The following ANO5 variants were observed in gnomAD, a reference collection of about 807,000 sequenced individuals.
ANO5 encodes anoctamin 5.
In ANO5, 109 loss-of-function variants were observed where a neutral mutation model predicts 121.0. That is an observed-to-expected ratio of 0.90 (90% CI 0.77 to 1.06). The LOEUF is 1.06. Among genes scored for constraint, ANO5 ranks in the 50% least tolerant of loss-of-function variants. The pLI is 0.00. For synonymous variants in ANO5, 406 were observed against 359.9 expected (o/e 1.13, Z -1.45); for missense variants, 1,064 against 1,078.5 (o/e 0.99, Z 0.19).
At chr11:22,246,891 A>C (rs916842832) in intron 9 of ANO5, among the ~76,000 whole-genome samples, 1 of 151,524 alleles carries the variant, frequency 6.6e-6, no homozygotes, top group Non-Finnish European at 1.5e-5. Context: ...CAAAAAAGAA[A>C]AGAATTTATT....
rs1377739749 is a variant in ANO5, at chr11:22,280,894, T to G, written c.*1129T>G. 2.6e-5 allele frequency: 4 copies of G among 151,974 alleles called. No homozygotes were observed. The highest frequency in any genetic ancestry group is 5.9e-5 in the Non-Finnish European group (4 of 67,870). 9.4% of individuals were successfully genotyped at this position (151,974 alleles called of 1,614,324 possible). On this transcript the variant is annotated 3_prime_UTR_variant, in exon 22 of 22. Coordinates refer to ENST00000324559, the MANE Select transcript of ANO5 (RefSeq NM_213599.3). ...TAAATGTAAGCTTGTCTTAATGAAA[T>G]TGTCAGTGTAATAACAACTACAGTC...
chr11:22,217,933 TA>T (rs1170479866), intron 3 of ANO5, among the ~76,000 whole-genome samples: 5 of 151,580 alleles, frequency 3.3e-5, no homozygotes, highest in Non-Finnish European at 7.4e-5. Flanking sequence ...CTCCTGAACT[TA>T]AAAAAAAGTA....
chr11:22,207,208 G>T (rs1852147552), intron 2 of ANO5, among the ~76,000 whole-genome samples: 1 of 151,946 alleles, frequency 6.6e-6, no homozygotes, highest in Non-Finnish European at 1.5e-5. Context: ...AAAATTTTAT[G>T]GAAATACAAA....
At chr11:22,217,357 A>T (rs1168450590) in intron 3 of ANO5, among the ~76,000 whole-genome samples, 1 of 151,876 alleles carries the variant, frequency 6.6e-6, no homozygotes, top group Non-Finnish European at 1.5e-5. Context: ...TGACCATGTA[A>T]TTGAAGATTG....
At chr11:22,236,660 C>T (rs1022620502) in intron 8 of ANO5, among the ~76,000 whole-genome samples, 2 of 152,116 alleles carry the variant, frequency 1.3e-5, no homozygotes, top group Admixed American at 6.6e-5. Context: ...TACCTGCATT[C>T]ACATATTCAT....
Position 22,270,418 on chromosome 11 carries a change from C to T in ANO5, c.2005C>T (p.Leu669Phe). The part of the protein sequence containing the change: ...HDLESFGPLG[L>F]FYEYLETVTQ... ...CCTTGAAAGTTTTGGACCCCTTGGG[C>T]TTTTCTATGAGTACTTAGAAACAGG... Residue 669 changes from leucine (L) to phenylalanine (F), a missense_variant, in exon 18 of 22, where the codon CTT becomes TTT. Transcript: ENST00000324559. The T allele has an allele frequency of 6.2e-7, 1 of 1,614,088 alleles. No homozygotes were observed. Among genetic ancestry groups the T allele is most frequent in the Non-Finnish European group, 8.5e-7 (1 of 1,179,990 alleles).
chr11:22,265,401 A>G (rs1412840462), intron 17 of ANO5, among the ~76,000 whole-genome samples: 1 of 152,112 alleles, frequency 6.6e-6, no homozygotes, highest in South Asian at 2.1e-4. Context: ...TTAGACATGA[A>G]AAGACTAGGA....
At chr11:22,249,142 C>G (rs1026386491) in intron 9 of ANO5, among the ~76,000 whole-genome samples, 13 of 151,810 alleles carry the variant, frequency 8.6e-5, no homozygotes, top group African/African-American at 3.1e-4. Context: ...TGTTCATCAT[C>G]ACTGAAAAGA....
intron 3 of ANO5, 123 bp from the exon 4 acceptor site, chr11:22,218,115 TCACACACA>T (rs71034578): frequency 9.9e-6 from 6 of 607,672 alleles, no homozygotes; most frequent in African/African-American, 5.5e-5. Context: ...GTTTGAAATA[TCACACACA>T]CACACACACA....
At chr11:22,203,017 A>G (rs1190844216) in intron 1 of ANO5, among the ~76,000 whole-genome samples, 1 of 152,162 alleles carries the variant, frequency 6.6e-6, no homozygotes, top group Non-Finnish European at 1.5e-5. Context: ...CAATAGGTCA[A>G]TATCAAGTTT....
At chr11:22,221,446 A>T (rs977900684) in intron 5 of ANO5, among the ~76,000 whole-genome samples, 1 of 151,960 alleles carries the variant, frequency 6.6e-6, no homozygotes, top group Admixed American at 6.6e-5. Flanking sequence ...CAAGTAACTG[A>T]TTCTTTTTAT....
intron 9 of ANO5, among the ~76,000 whole-genome samples, chr11:22,247,916 G>C (rs1236658206): frequency 3.3e-5 from 5 of 151,748 alleles, no homozygotes; most frequent in Non-Finnish European, 7.4e-5. Flanking sequence ...TATGTTGTAT[G>C]TTAATGCTTA....
At chr11:22,265,299 A>G (rs1339622004) in intron 17 of ANO5, among the ~76,000 whole-genome samples, 1 of 152,162 alleles carries the variant, frequency 6.6e-6, no homozygotes, top group African/African-American at 2.4e-5. Context: ...CCAAAAGATA[A>G]TGTTTTCAAG....
intron 5 of ANO5, among the ~76,000 whole-genome samples, chr11:22,223,262 A>C (rs1490833135): frequency 6.6e-6 from 1 of 152,056 alleles, no homozygotes; most frequent in Non-Finnish European, 1.5e-5. Context: ...AAATGATAAA[A>C]AGCAAAACGA....
At chr11:22,227,131 A>G (rs1378568242) in intron 6 of ANO5, among the ~76,000 whole-genome samples, 171 bp from the exon 7 acceptor site, 2 of 150,638 alleles carry the variant, frequency 1.3e-5, no homozygotes, top group Non-Finnish European at 2.9e-5. Context: ...TGTTTTTGTA[A>G]CTATATGTTT....
chr11:22,233,606 G>T (rs189259808), intron 7 of ANO5, among the ~76,000 whole-genome samples: 4 of 152,090 alleles, frequency 2.6e-5, no homozygotes, highest in African/African-American at 7.2e-5. Flanking sequence ...GAAACAAAAA[G>T]AAGTCAGACT....
intron 7 of ANO5, among the ~76,000 whole-genome samples, chr11:22,228,647 C>G (rs985590268): frequency 6.6e-6 from 1 of 151,904 alleles, no homozygotes; most frequent in Non-Finnish European, 1.5e-5. Flanking sequence ...TTTCCTCCCC[C>G]TACCTCTTCC....
chr11:22,247,212 A>G (rs12290036), intron 9 of ANO5, among the ~76,000 whole-genome samples: 9,031 of 152,014 alleles, frequency 0.059, 901 homozygotes, highest in African/African-American at 0.21. Context: ...TCAGGCAAAG[A>G]GAACACACAA....
intron 7 of ANO5, among the ~76,000 whole-genome samples, chr11:22,234,165 G>A (rs999211999): frequency 2.6e-5 from 4 of 152,106 alleles, no homozygotes; most frequent in African/African-American, 9.7e-5. Flanking sequence ...AATGGGGAAA[G>A]CTGAACCAGT....
Sources: allele counts gnomAD v4.1 joint callset (sites outside exome capture counted in the v4.1 genomes callset), GRCh38; gene constraint gnomAD v4.1.1; transcripts MANE v1.5; gene names NCBI Gene and HGNC (gene_info 2026-07-23, HGNC 2026-07-21).